AGBL4: variants seen among roughly 807,000 people sequenced by gnomAD.
AGBL4 encodes cytosolic carboxypeptidase 6.
Under a neutral mutation model 66.4 loss-of-function variants are expected in AGBL4, and 58 were observed. That is an observed-to-expected ratio of 0.87 (90% confidence interval 0.71 to 1.09). The LOEUF is 1.09. Ranked by LOEUF, AGBL4 falls within the 50% of genes least tolerant of loss-of-function variation. The pLI is 0.00. For missense variants in AGBL4, 579 were observed against 631.0 expected, an observed-to-expected ratio of 0.92 and a Z score of 0.88; for synonymous variants, 234 against 222.9, an observed-to-expected ratio of 1.05 and a Z score of -0.44.
At chr1:49,887,152 T>TATATATAC (rs68005185) in intron 1 of AGBL4, among the ~76,000 whole-genome samples, 18 of 145,994 alleles carry the variant, frequency 1.2e-4, no homozygotes, top group Admixed American at 2.1e-4. Context: ...TATATATATA[T>TATATATAC]ACATTGTGTG....
chr1:48,718,655 T>C (rs7535594), intron 6 of AGBL4, among the ~76,000 whole-genome samples: 119,491 of 152,098 alleles, frequency 0.79, 47,541 homozygotes, highest in African/African-American at 0.9. Context: ...AAAAATCTAC[T>C]TCCCCACCTG....
At chr1:49,384,390 G>A (rs992656392) in intron 3 of AGBL4, among the ~76,000 whole-genome samples, 2 of 151,620 alleles carry the variant, frequency 1.3e-5, no homozygotes, top group Non-Finnish European at 1.5e-5. Context: ...TCAGGAGCTC[G>A]AGACCACCCT....
intron 9 of AGBL4, 106 bp from the exon 10 acceptor site, chr1:48,591,091 C>CCCA (rs1644911251): frequency 1.8e-6 from 1 of 547,692 alleles, no homozygotes; most frequent in Non-Finnish European, 2.7e-6. Flanking sequence ...CACCCACCCA[C>CCCA]CCCCCCCCAC....
chr1:49,074,180 G>C (rs1644665857), intron 4 of AGBL4, among the ~76,000 whole-genome samples: 1 of 152,298 alleles, frequency 6.6e-6, no homozygotes, highest in East Asian at 1.9e-4. Context: ...GGGCTCTGTG[G>C]GCATGGGACC....
chr1:48,816,078 T>TA (rs1442426877), intron 6 of AGBL4, among the ~76,000 whole-genome samples: 4 of 150,072 alleles, frequency 2.7e-5, no homozygotes, highest in African/African-American at 5.0e-5. Flanking sequence ...TGTGTGTGTG[T>TA]GTGTGTGTGT....
chr1:48,995,887 G>A (rs1019139494), intron 5 of AGBL4, among the ~76,000 whole-genome samples: 4 of 152,188 alleles, frequency 2.6e-5, no homozygotes, highest in Non-Finnish European at 1.5e-5. Flanking sequence ...AGCAGGGAGA[G>A]ACATAATCTG....
At position 49,421,188 on chromosome 1, in the gene AGBL4, A is replaced by C. The variant is rs185397058; in HGVS notation, c.283-175324T>G. 2.9e-3 allele frequency among the ~76,000 whole-genome samples: 447 copies of C among 152,326 alleles called. 4 individuals are homozygous for C. Among genetic ancestry groups the C allele is most frequent in the African/African-American group, 0.01 (435 of 41,568 alleles). ...TAATACCTGCATCACTGAGCTAACC[A>C]GAGCATAAAATGAATGTAAAAGGGC... On this transcript the variant is annotated intron_variant, in intron 3 of 13. Coordinates refer to ENST00000371839, the MANE Select transcript of AGBL4 (RefSeq NM_032785.4).
intron 3 of AGBL4, among the ~76,000 whole-genome samples, chr1:49,554,218 G>T (rs1032158757): frequency 5.9e-5 from 9 of 152,102 alleles, no homozygotes; most frequent in African/African-American, 1.9e-4. Flanking sequence ...AAAGTCCATG[G>T]TCTTTCTAAT....
Position 49,845,001 on chromosome 1 carries a change from G to T in AGBL4, c.157+6395C>A, listed in dbSNP as rs528276388. 8.3e-6 allele frequency: 12 copies of T among 1,439,504 alleles called. No individual in the cohort carries two copies. The South Asian group carries it at 1.5e-4, about 18-fold the overall frequency. 89.2% of individuals were successfully genotyped at this position (1,439,504 alleles called of 1,614,324 possible). ...CTCCTGAACAACAAGGCCCCCACACGTGGGGAACACGTGGAAAAAGGGAGA... is the reference window on the plus strand; with the variant it reads ...CTCCTGAACAACAAGGCCCCCACACTTGGGGAACACGTGGAAAAAGGGAGA... On this transcript the variant is annotated intron_variant, in intron 2 of 13. Coordinates refer to ENST00000371839, the MANE Select transcript of AGBL4 (RefSeq NM_032785.4).
chr1:48,546,894 CACACAT>C (rs1644171921), intron 11 of AGBL4, among the ~76,000 whole-genome samples: 3 of 151,698 alleles, frequency 2.0e-5, no homozygotes, highest in South Asian at 2.1e-4. Flanking sequence ...CACACACACA[CACACAT>C]ACATAATAGC....
At chr1:49,723,674 C>A (rs1041211231) in intron 2 of AGBL4, among the ~76,000 whole-genome samples, 1 of 152,126 alleles carries the variant, frequency 6.6e-6, no homozygotes, top group Non-Finnish European at 1.5e-5. Flanking sequence ...AAGAATTAAT[C>A]TTTCCCCATC....
intron 2 of AGBL4, among the ~76,000 whole-genome samples, chr1:49,705,957 T>C (rs1647206077): frequency 6.6e-6 from 1 of 152,210 alleles, no homozygotes; most frequent in Non-Finnish European, 1.5e-5. Flanking sequence ...AGTATTTTAT[T>C]GAGGATTTTC....
chr1:49,311,841 A>G (rs565023866), intron 3 of AGBL4, among the ~76,000 whole-genome samples: 1 of 152,086 alleles, frequency 6.6e-6, no homozygotes, highest in Non-Finnish European at 1.5e-5. Context: ...AATAAAATAT[A>G]TTACAAATCT....
chr1:49,377,233 T>G (rs1456473828), intron 3 of AGBL4, among the ~76,000 whole-genome samples: 2 of 152,084 alleles, frequency 1.3e-5, no homozygotes, highest in Non-Finnish European at 2.9e-5. Context: ...GACACAAAAC[T>G]ATGAGACTAG....
chr1:48,660,091 A>G (rs927396885), intron 7 of AGBL4, among the ~76,000 whole-genome samples: 1 of 152,186 alleles, frequency 6.6e-6, no homozygotes, highest in African/African-American at 2.4e-5. Flanking sequence ...GCCACACAGG[A>G]GCTCCTCTGA....
At chr1:48,609,648 C>A (rs1483916671) in intron 9 of AGBL4, among the ~76,000 whole-genome samples, 1 of 152,162 alleles carries the variant, frequency 6.6e-6, no homozygotes, top group Non-Finnish European at 1.5e-5. Flanking sequence ...GTCTTGAACT[C>A]CTAGCCTCAA....
chr1:49,401,800 A>C (rs967562119), intron 3 of AGBL4, among the ~76,000 whole-genome samples: 17 of 152,170 alleles, frequency 1.1e-4, no homozygotes, highest in African/African-American at 3.6e-4. Context: ...CAATGAAACT[A>C]TCAGGTCATG....
intron 3 of AGBL4, among the ~76,000 whole-genome samples, chr1:49,333,844 A>G (rs1319014811): frequency 6.6e-6 from 1 of 152,190 alleles, no homozygotes; most frequent in Non-Finnish European, 1.5e-5. Flanking sequence ...CTGGAAAAAT[A>G]CCACTATTTA....
rs144119272 is a variant in AGBL4, at chr1:49,967,436, T to C, written c.34+56327A>G. 8.7e-3 allele frequency among the ~76,000 whole-genome samples: 1,328 copies of C among 152,058 alleles called. 14 individuals are homozygous for C. Among genetic ancestry groups the C allele is most frequent in the Non-Finnish European group, 0.014 (983 of 68,010 alleles). Reference sequence around the variant, plus strand: ...GAACAGAAAACCAAACACCACACGTTCTCACTCATAAGTGGGAGTTGAACA... The same window carrying C: ...GAACAGAAAACCAAACACCACACGTCCTCACTCATAAGTGGGAGTTGAACA... On this transcript the variant is annotated intron_variant, in intron 1 of 13. Transcript: ENST00000371839.
Sources: allele counts gnomAD v4.1 joint callset (sites outside exome capture counted in the v4.1 genomes callset), GRCh38; gene constraint gnomAD v4.1.1; transcripts MANE v1.5; gene names NCBI Gene and HGNC (gene_info 2026-07-23, HGNC 2026-07-21).